NRG1: variants seen among roughly 807,000 people sequenced by gnomAD.
The protein encoded by NRG1 is pro-neuregulin-1, membrane-bound isoform.
In NRG1, 18 loss-of-function variants were observed where a neutral mutation model predicts 63.8. The ratio of observed to expected loss-of-function variants is 0.28; its 90% CI spans 0.19 to 0.42. The LOEUF (loss-of-function observed/expected upper bound fraction) is 0.42. NRG1 is among the 10% of genes least tolerant of loss of function. The pLI, the probability that NRG1 is intolerant of heterozygous loss-of-function variation, is 1.00. For synonymous variants in NRG1, 302 were observed against 301.3 expected (o/e 1.00, Z -0.02); for missense variants, 762 against 814.7 (o/e 0.94, Z 0.79).
rs141586048 is a variant in NRG1 at position 32,364,264 on chromosome 8, A to C, written c.38-231564A>C. ...TAGTTAATTCATGCAACTTGCACAA[A>C]AGGTACAAGAAATATACTATGAAAA... On this transcript the variant is annotated intron_variant, in intron 1 of 10. Coordinates refer to the NRG1 transcript ENST00000519301. Among the ~76,000 whole-genome samples the C allele has an allele frequency of 9.9e-4, 150 of 152,044 alleles. 1 individual carries two copies. The highest frequency in any genetic ancestry group is 3.5e-3 in the African/African-American group (147 of 41,498).
At chr8:32,360,235 T>C (rs1807032274) in intron 1 of NRG1, among the ~76,000 whole-genome samples, 2 of 152,240 alleles carry the variant, frequency 1.3e-5, no homozygotes, top group Non-Finnish European at 2.9e-5. Flanking sequence ...TAACAACTAA[T>C]ATAGGCAGAA....
intron 1 of NRG1, among the ~76,000 whole-genome samples, chr8:32,521,893 T>A (rs900908648): frequency 1.3e-5 from 2 of 152,222 alleles, no homozygotes; most frequent in Non-Finnish European, 2.9e-5. Flanking sequence ...TCCTGCTTTT[T>A]TTAGTTGATT....
chr8:32,549,215 G>C (rs1833644879), intron 1 of NRG1, among the ~76,000 whole-genome samples: 1 of 152,244 alleles, frequency 6.6e-6, no homozygotes, highest in African/African-American at 2.4e-5. Context: ...CGCTTTGCAC[G>C]GGGGCCGTGT....
At chr8:31,942,240 T>C (rs1298111179) in intron 1 of NRG1, among the ~76,000 whole-genome samples, 1 of 151,876 alleles carries the variant, frequency 6.6e-6, no homozygotes, top group East Asian at 1.9e-4. Flanking sequence ...ACCCAAATAC[T>C]TACAGCCCAC....
chr8:32,402,205 G>A lies in NRG1; in HGVS notation c.38-193623G>A, dbSNP rs182907154. On this transcript the variant is annotated intron_variant, in intron 1 of 10. Transcript: ENST00000519301. ...TGGGATTACAGTTGTGAGCCACCAC[G>A]CCTGGCCTAAAAGTTTTTTTAAAAA... 4.7e-4 allele frequency among the ~76,000 whole-genome samples: 71 copies of A among 152,206 alleles called. 1 individual carries two copies. Among genetic ancestry groups the A allele is most frequent in the Admixed American group, 3.0e-3 (46 of 15,286 alleles).
chr8:32,262,956 T>C (rs1311760547), intron 1 of NRG1, among the ~76,000 whole-genome samples: 2 of 152,134 alleles, frequency 1.3e-5, no homozygotes, highest in Non-Finnish European at 2.9e-5. Context: ...TCCAGTCCCA[T>C]AATAAAAAAT....
intron 1 of NRG1, among the ~76,000 whole-genome samples, chr8:32,571,413 C>T (rs1838557692): frequency 6.6e-6 from 1 of 152,080 alleles, no homozygotes. Context: ...ATAGTCAATG[C>T]CATCGTGGTT....
At chr8:31,715,860 G>T (rs1369623273) in intron 1 of NRG1, among the ~76,000 whole-genome samples, 1 of 152,108 alleles carries the variant, frequency 6.6e-6, no homozygotes, top group African/African-American at 2.4e-5. Flanking sequence ...GTATCAAAGG[G>T]CAGGGAGGTT....
At chr8:32,539,891 C>T (rs1048162869) in intron 1 of NRG1, among the ~76,000 whole-genome samples, 1 of 151,942 alleles carries the variant, frequency 6.6e-6, no homozygotes, top group Non-Finnish European at 1.5e-5. Context: ...ATCAATGTCC[C>T]CTAGGCATAA....
chr8:32,045,010 A>G lies in NRG1; in HGVS notation c.37+405579A>G, dbSNP rs114622919. Among the ~76,000 whole-genome samples, 1,294 of 151,620 alleles carry G rather than the reference A, an allele frequency of 8.5e-3. 19 individuals are homozygous for G. Among genetic ancestry groups the G allele is most frequent in the African/African-American group, 0.029 (1,197 of 41,462 alleles). The stretch of plus-strand genomic sequence containing the variant: ...AAACTGAAATCAGAAAAACAGTAGA[A>G]CAAATTAATGAAACCAACAGGTGGT... On this transcript the variant is annotated intron_variant, in intron 1 of 10. Transcript: ENST00000519301.
At chr8:31,927,288 T>C in intron 1 of NRG1, among the ~76,000 whole-genome samples, 1 of 152,134 alleles carries the variant, frequency 6.6e-6, no homozygotes, top group East Asian at 1.9e-4. Flanking sequence ...TCTTGTTCTC[T>C]AATATATAAA....
At chr8:31,752,348 G>A (rs1312672410) in intron 1 of NRG1, among the ~76,000 whole-genome samples, 1 of 151,966 alleles carries the variant, frequency 6.6e-6, no homozygotes, top group African/African-American at 2.4e-5. Context: ...GTTGATTTTA[G>A]GTGTGATGAG....
At chr8:32,759,025 T>C (rs1165246824) in intron 9 of NRG1, among the ~76,000 whole-genome samples, 1 of 152,196 alleles carries the variant, frequency 6.6e-6, no homozygotes, top group South Asian at 2.1e-4. Flanking sequence ...AATAGGACTT[T>C]TGCTGATAAA....
chr8:32,421,319 A>G (rs921126170), intron 1 of NRG1, among the ~76,000 whole-genome samples: 8 of 152,072 alleles, frequency 5.3e-5, no homozygotes, highest in African/African-American at 1.7e-4. Flanking sequence ...ATGTACGAAA[A>G]TTGGCTCCCA....
downstream of NRG1, among the ~76,000 whole-genome samples, chr8:32,769,258 G>T (rs1039272898): frequency 1.3e-5 from 2 of 152,148 alleles, no homozygotes; most frequent in Non-Finnish European, 2.9e-5. Flanking sequence ...TGTTTGCCTG[G>T]GATATAGTAT....
At chr8:32,744,635 C>T (rs59243589) in intron 7 of NRG1, among the ~76,000 whole-genome samples, 26,234 of 151,920 alleles carry the variant, frequency 0.17, 2,703 homozygotes, top group East Asian at 0.36. Flanking sequence ...ATATTTTAGA[C>T]TTTAATGACA....
At chr8:32,090,917 C>T (rs188310787) in intron 1 of NRG1, among the ~76,000 whole-genome samples, 313 of 152,296 alleles carry the variant, frequency 2.1e-3, no homozygotes, top group Non-Finnish European at 3.3e-3. Flanking sequence ...ATCTAAACAA[C>T]TTTTCACCAA....
At chr8:31,812,239 G>A (rs538488802) in intron 1 of NRG1, among the ~76,000 whole-genome samples, 5 of 152,296 alleles carry the variant, frequency 3.3e-5, no homozygotes, top group South Asian at 2.1e-4. Flanking sequence ...GGCTAGAACC[G>A]TGGATTTCAA....
intron 1 of NRG1, among the ~76,000 whole-genome samples, chr8:32,191,030 G>A (rs1842443852): frequency 6.6e-6 from 1 of 151,996 alleles, no homozygotes; most frequent in South Asian, 2.1e-4. Flanking sequence ...TCCCATAGAT[G>A]TTCACTGTGC....
Sources: allele counts gnomAD v4.1 joint callset (sites outside exome capture counted in the v4.1 genomes callset), GRCh38; gene constraint gnomAD v4.1.1; transcripts MANE v1.5; gene names NCBI Gene and HGNC (gene_info 2026-07-23, HGNC 2026-07-21).